The following ABCA13 variants were observed in gnomAD, a reference collection of about 807,000 sequenced individuals.
ABCA13 encodes ATP binding cassette subfamily A member 13, also known as ATP-binding cassette sub-family A member 13.
In ABCA13, 476 loss-of-function variants were observed where a neutral mutation model predicts 478.7. The ratio of observed to expected loss-of-function variants is 0.99; its 90% CI spans 0.92 to 1.07. ABCA13 has a LOEUF of 1.07. Among genes scored for constraint, ABCA13 ranks in the 50% least tolerant of loss-of-function variants. The pLI, the probability that ABCA13 is intolerant of heterozygous loss-of-function variation, is 0.00. For missense variants in ABCA13, 6,060 were observed against 5,910.6 expected, an observed-to-expected ratio of 1.03 and a Z score of -0.83; for synonymous variants, 2,252 against 2,158.9, an observed-to-expected ratio of 1.04 and a Z score of -1.20.
chr7:48,227,253 TC>T lies in ABCA13; in HGVS notation c.469-6del. On this transcript the variant is annotated splice_polypyrimidine_tract_variant and splice_region_variant and intron_variant, in intron 5 of 61. Transcript: ENST00000435803. The stretch of plus-strand genomic sequence containing the variant: ...AGGGAAACTTTTGGTGTATTTTTTT[TC>T]CCATCAGATGGATCTCAATAAGACC... 6.2e-7 allele frequency: 1 copy of T among 1,611,946 alleles called. No individual in the cohort carries two copies. Among genetic ancestry groups the T allele is most frequent in the Non-Finnish European group, 8.5e-7 (1 of 1,179,330 alleles).
chr7:48,543,721 T>G (rs913271679), intron 55 of ABCA13, among the ~76,000 whole-genome samples: 5 of 151,876 alleles, frequency 3.3e-5, no homozygotes, highest in African/African-American at 1.2e-4. Flanking sequence ...TAAAAATAGT[T>G]GCCATCATTA....
chr7:48,613,032 C>T (rs1918603), intron 58 of ABCA13, among the ~76,000 whole-genome samples: 63,378 of 151,876 alleles, frequency 0.42, 13,817 homozygotes, highest in African/African-American at 0.53. Flanking sequence ...AATTTGTTGG[C>T]ATGTTTATTA....
chr7:48,308,780 C>G (rs1428750856), intron 23 of ABCA13, among the ~76,000 whole-genome samples: 3 of 151,460 alleles, frequency 2.0e-5, no homozygotes, highest in African/African-American at 7.3e-5. Flanking sequence ...TTTACTGTAC[C>G]TTTTCTATGT....
intron 55 of ABCA13, among the ~76,000 whole-genome samples, chr7:48,570,610 A>G (rs1787542662): frequency 6.6e-6 from 1 of 151,934 alleles, no homozygotes; most frequent in South Asian, 2.1e-4. Flanking sequence ...GGTGTGAGCC[A>G]CCGCACCCAG....
intron 54 of ABCA13, among the ~76,000 whole-genome samples, chr7:48,527,225 C>G (rs1164361400): frequency 6.6e-6 from 1 of 152,030 alleles, no homozygotes; most frequent in Non-Finnish European, 1.5e-5. Context: ...GGGAGACGGA[C>G]TCATATTGCA....
At chr7:48,333,482 T>C (rs1373846347) in intron 27 of ABCA13, among the ~76,000 whole-genome samples, 2 of 152,206 alleles carry the variant, frequency 1.3e-5, no homozygotes, top group Non-Finnish European at 2.9e-5. Context: ...TCTAGTTGTC[T>C]TTTCTTTGGT....
At chr7:48,280,237 C>T (rs1374359820) in intron 18 of ABCA13, among the ~76,000 whole-genome samples, 1 of 152,190 alleles carries the variant, frequency 6.6e-6, no homozygotes, top group East Asian at 1.9e-4. Context: ...TTTTTCTGTT[C>T]ATATCCTCTG....
At chr7:48,545,688 T>A (rs752573759) in intron 55 of ABCA13, among the ~76,000 whole-genome samples, 2 of 150,824 alleles carry the variant, frequency 1.3e-5, no homozygotes, top group Non-Finnish European at 3.0e-5. Flanking sequence ...AAGAATGTAA[T>A]GTAAGAGAAC....
At position 48,193,070 on chromosome 7, in the gene ABCA13, A is replaced by G. The variant is rs979847704; in HGVS notation, c.163+18A>G. The G allele has an allele frequency of 6.7e-7, 1 of 1,502,714 alleles. No individual in the cohort carries two copies. The highest frequency in any genetic ancestry group is 8.9e-7 in the Non-Finnish European group (1 of 1,125,610). 93.1% of individuals were successfully genotyped at this position (1,502,714 alleles called of 1,614,324 possible). On this transcript the variant is annotated intron_variant, in intron 2 of 61. Transcript: ENST00000435803. ...AGACATTTGTAAGTTTCACTTTTTA[A>G]TATACTTTTTGAATTAACCTTTGGA...
At chr7:48,221,388 C>A in intron 5 of ABCA13, 79 bp downstream of exon 5, 2 of 719,024 alleles carry the variant, frequency 2.8e-6, no homozygotes, top group African/African-American at 1.9e-5. Flanking sequence ...TTTAAGTTTA[C>A]ATTTTCAAAG....
At position 48,198,374 on chromosome 7, in the gene ABCA13, A is replaced by G. The variant is rs1798226910; in HGVS notation, c.287+14A>G. 1 of 1,612,660 alleles carries G rather than the reference A, an allele frequency of 6.2e-7. No individual in the cohort carries two copies. The highest frequency in any genetic ancestry group is 8.5e-7 in the Non-Finnish European group (1 of 1,179,452). ...GCATCATTTTCGGTAAGAGAAACAC[A>G]AAGATCTTTTTCAGAAATCTCAGAA... On this transcript the variant is annotated intron_variant, in intron 3 of 61. Coordinates refer to ENST00000435803, the MANE Select transcript of ABCA13 (RefSeq NM_152701.5).
intron 54 of ABCA13, among the ~76,000 whole-genome samples, chr7:48,527,357 T>A (rs1220436520): frequency 1.3e-5 from 2 of 152,032 alleles, no homozygotes; most frequent in Non-Finnish European, 2.9e-5. Context: ...TGGGGCTTGG[T>A]GGCAGAAAAT....
chr7:48,399,443 A>C (rs1817291499), intron 38 of ABCA13, among the ~76,000 whole-genome samples: 1 of 152,170 alleles, frequency 6.6e-6, no homozygotes, highest in Non-Finnish European at 1.5e-5. Context: ...TGAGTCTGTG[A>C]GTACTTCCAT....
At chr7:48,346,154 C>A (rs146173335) in intron 29 of ABCA13, among the ~76,000 whole-genome samples, 1 of 152,174 alleles carries the variant, frequency 6.6e-6, no homozygotes, top group East Asian at 1.9e-4. Context: ...CCTAATGCTG[C>A]CTTTTTATGC....
chr7:48,410,120 A>C (rs1411080784), intron 39 of ABCA13, among the ~76,000 whole-genome samples: 1 of 146,798 alleles, frequency 6.8e-6, no homozygotes, highest in Non-Finnish European at 1.5e-5. Context: ...AAGGATGAGG[A>C]AGAGGACTTT....
chr7:48,512,764 A>G (rs1020716350), intron 51 of ABCA13, among the ~76,000 whole-genome samples: 3 of 151,752 alleles, frequency 2.0e-5, no homozygotes, highest in Non-Finnish European at 2.9e-5. Context: ...TTCTCTTCAT[A>G]CATAACTACC....
At chr7:48,496,106 A>G (rs146260002) in intron 48 of ABCA13, among the ~76,000 whole-genome samples, 16 of 152,194 alleles carry the variant, frequency 1.1e-4, no homozygotes, top group Non-Finnish European at 1.9e-4. Context: ...TAAGGTAATT[A>G]CTAATATATT....
At chr7:48,265,001 C>T (rs1021923365) in intron 15 of ABCA13, among the ~76,000 whole-genome samples, 1 of 151,548 alleles carries the variant, frequency 6.6e-6, no homozygotes, top group African/African-American at 2.4e-5. Context: ...ATTACTTTTG[C>T]ATAAGGGGAC....
Position 48,273,784 on chromosome 7 carries a change from G to A in ABCA13, c.4118G>A (p.Arg1373His), listed in dbSNP as rs201391209. The A allele has an allele frequency of 1.6e-5, 25 of 1,611,128 alleles. No individual in the cohort carries two copies. The highest frequency in any genetic ancestry group is 1.2e-4 in the African/African-American group (9 of 74,974). ...LYVNTSQRML[R>H]ILDTLNSTFS... ...GTAAATACCTCACAGAGGATGTTAC[G>A]TATTCTAGACACGTTAAATTCCACA... The change falls in exon 17 of 62, where the codon CGT (arginine) becomes CAT (histidine). Residue 1373 changes from arginine (R) to histidine (H), a missense_variant. Physicochemically the swap from Arg to His is conservative, Grantham distance 29. Coordinates refer to ENST00000435803, the MANE Select transcript of ABCA13 (RefSeq NM_152701.5).
Sources: gnomAD v4.1 joint callset for allele counts (sites outside exome capture counted in the v4.1 genomes callset) on GRCh38, gnomAD v4.1.1 for gene constraint, MANE v1.5 for transcripts, NCBI Gene and HGNC (gene_info 2026-07-23, HGNC 2026-07-21) for gene names.